Variants in UTP4 observed in about 807,000 individuals in gnomAD.
UTP4 encodes the protein U3 small nucleolar RNA-associated protein 4 homolog.
Under a neutral mutation model 82.4 loss-of-function variants are expected in UTP4, and 45 were observed. The observed-to-expected ratio is 0.55, with a 90% confidence interval of 0.43 to 0.70. UTP4 has a LOEUF of 0.70. Among genes scored for constraint, UTP4 ranks in the 30% least tolerant of loss-of-function variants. The probability of loss-of-function intolerance (pLI) is 0.00; values close to 1 mark genes in which losing one functional copy is unlikely to be tolerated. For missense variants in UTP4, 819 were observed against 858.3 expected (o/e 0.95, Z 0.57); for synonymous variants, 348 against 300.3 (o/e 1.16, Z -1.64).
intron 4 of UTP4, chr16:69,138,103 T>G: frequency 1.8e-6 from 1 of 546,918 alleles, no homozygotes; most frequent in Non-Finnish European, 3.2e-6. Flanking sequence ...AAACCAGAAA[T>G]CCAAAATTGG....
intron 6 of UTP4, 32 bp from the exon 7 acceptor site, chr16:69,150,505 A>C (rs1307773616): frequency 5.6e-6 from 9 of 1,613,500 alleles, no homozygotes; most frequent in Non-Finnish European, 7.6e-6. Flanking sequence ...TGTTTTGCTT[A>C]CGTGTACCTC....
chr16:69,165,769 T>C (rs1189166206), intron 15 of UTP4: 12 of 599,666 alleles, frequency 2.0e-5, no homozygotes, highest in Non-Finnish European at 3.3e-5. Context: ...TGGCTTTTGC[T>C]GATTTGACTA....
rs1010767576 is a variant in UTP4 at position 69,138,180 on chromosome 16, G to A, written c.436+295G>A. On this transcript the variant is annotated intron_variant, in intron 4 of 16. Transcript: ENST00000314423. ...TTACTTTTGTGATGTTTTAACAAGC[G>A]TACATGAAGTCTTGAACTACAATTT... is the stretch of plus-strand genomic sequence containing the variant. 4.0e-5 allele frequency among the ~76,000 whole-genome samples: 6 copies of A among 151,484 alleles called. No homozygotes were observed. In the East Asian group the frequency reaches 7.7e-4, roughly 20 times the overall value.
At chr16:69,163,548 A>G (rs564441202) in intron 14 of UTP4, among the ~76,000 whole-genome samples, 1 of 152,276 alleles carries the variant, frequency 6.6e-6, no homozygotes, top group Non-Finnish European at 1.5e-5. Flanking sequence ...AAAAGATTGT[A>G]TCATTCACCT....
At chr16:69,134,384 T>C (rs947597077) in intron 2 of UTP4, among the ~76,000 whole-genome samples, 1 of 152,102 alleles carries the variant, frequency 6.6e-6, no homozygotes, top group Non-Finnish European at 1.5e-5. Context: ...TCAGAGGCCC[T>C]AACTTTACGG....
chr16:69,144,683 TTC>T (rs1963059528), intron 6 of UTP4, among the ~76,000 whole-genome samples: 1 of 152,230 alleles, frequency 6.6e-6, no homozygotes, highest in Non-Finnish European at 1.5e-5. Flanking sequence ...AGTGTTCCTA[TTC>T]CATATCACAG....
In UTP4 at chr16:69,154,272, G is replaced by T. The variant is rs138499836; in HGVS notation, c.1100-121G>T. The T allele has an allele frequency of 1.1e-3, 839 of 767,042 alleles. 1 individual carries two copies. Among genetic ancestry groups the T allele is most frequent in the Non-Finnish European group, 1.6e-3 (721 of 443,794 alleles). 47.5% of individuals were successfully genotyped at this position (767,042 alleles called of 1,614,324 possible). On this transcript the variant is annotated intron_variant, in intron 9 of 16. Coordinates refer to ENST00000314423, the MANE Select transcript of UTP4 (RefSeq NM_032830.3). ...AATTGTGAGCTTACTCAGTGAGCTT[G>T]TATTTTTCTGATTTCCCACTGATAG... is the stretch of plus-strand genomic sequence containing the variant.
chr16:69,168,362 G>A (rs1963752914), intron 16 of UTP4, among the ~76,000 whole-genome samples: 1 of 151,406 alleles, frequency 6.6e-6, no homozygotes, highest in South Asian at 2.1e-4. Context: ...CGTGAACCCG[G>A]GAGGCGGAGC....
At chr16:69,159,747 G>A (rs973253005) in intron 12 of UTP4, among the ~76,000 whole-genome samples, 5 of 151,910 alleles carry the variant, frequency 3.3e-5, no homozygotes, top group African/African-American at 1.2e-4. Context: ...CAGCACTTTG[G>A]GAGGCCAAGG....
intron 15 of UTP4, chr16:69,165,822 A>G: frequency 1.9e-6 from 1 of 524,360 alleles, no homozygotes; most frequent in Non-Finnish European, 3.5e-6. Flanking sequence ...TACACAGAAA[A>G]GTGATTAGGC....
At position 69,134,080 on chromosome 16, in the gene UTP4, T is replaced by C. The variant is rs78659226; in HGVS notation, c.159+462T>C. Among the ~76,000 whole-genome samples, 1,097 of 152,330 alleles carry C rather than the reference T, an allele frequency of 7.2e-3. 12 individuals are homozygous for C. Among genetic ancestry groups the C allele is most frequent in the African/African-American group, 0.025 (1,038 of 41,566 alleles). On this transcript the variant is annotated intron_variant, in intron 2 of 16. Transcript: ENST00000314423. ...CTGTCTGAGAGAATGTAGACCTACA[T>C]GTCTACATTTGGGAGTAAAGGAGAT...
chr16:69,154,482 A>C lies in UTP4; in HGVS notation c.1164+25A>C, dbSNP rs536681319. ...GGTAAGGAAGTTTGTTTAGGCTCTG[A>C]ATTCTAGAGCCTGAATTCTAGGCTC... is the stretch of plus-strand genomic sequence containing the variant. On this transcript the variant is annotated intron_variant, in intron 10 of 16. Coordinates refer to ENST00000314423, the MANE Select transcript of UTP4 (RefSeq NM_032830.3). 247 of 1,535,458 alleles carry C rather than the reference A, an allele frequency of 1.6e-4. 4 individuals carry two copies. In the South Asian group the frequency reaches 2.6e-3, roughly 16 times the overall value.
At chr16:69,151,101 G>T (rs1244484252) in intron 8 of UTP4, among the ~76,000 whole-genome samples, 197 bp downstream of exon 8, 1 of 151,906 alleles carries the variant, frequency 6.6e-6, no homozygotes, top group African/African-American at 2.4e-5. Context: ...CCACCTCCCG[G>T]GTTCAAGCGA....
chr16:69,159,936 G>A (rs1359059771), intron 12 of UTP4, among the ~76,000 whole-genome samples: 6 of 151,188 alleles, frequency 4.0e-5, no homozygotes, highest in Admixed American at 1.3e-4. Context: ...TGGAGTGAGC[G>A]GATCCGCCAC....
intron 14 of UTP4, among the ~76,000 whole-genome samples, chr16:69,163,883 T>G (rs1193986837): frequency 1.4e-5 from 2 of 141,984 alleles, no homozygotes; most frequent in Admixed American, 7.0e-5. Flanking sequence ...ATGGTCAGTT[T>G]GTTTTTTTTT....
At chr16:69,152,464 CTTTTTTTTTT>C (rs58914042) in intron 8 of UTP4, among the ~76,000 whole-genome samples, 4 of 107,152 alleles carry the variant, frequency 3.7e-5, no homozygotes, top group South Asian at 3.2e-4. Context: ...TTCTGTTTTT[CTTTTTTTTTT>C]TTTTTTTTTT....
intron 3 of UTP4, among the ~76,000 whole-genome samples, chr16:69,137,172 T>G (rs1024918431): frequency 2.6e-4 from 39 of 152,342 alleles, no homozygotes; most frequent in African/African-American, 8.9e-4. Flanking sequence ...TTTTGGTTTG[T>G]TTTGTGTTTT....
chr16:69,136,295 A>G lies in UTP4; in HGVS notation c.160-401A>G, dbSNP rs1199530642. Among the ~76,000 whole-genome samples the G allele has an allele frequency of 3.3e-5, 5 of 152,214 alleles. No homozygotes were observed. In the East Asian group the frequency reaches 7.7e-4, roughly 23 times the overall value. ...TATAATCCCAGGACTTTGGGAGGCC[A>G]AGGCTCACTGCAGCCTCCGCCTCCC... On this transcript the variant is annotated intron_variant, in intron 2 of 16. Transcript: ENST00000314423.
intron 13 of UTP4, among the ~76,000 whole-genome samples, chr16:69,162,878 G>A (rs532622804): frequency 3.4e-5 from 5 of 146,468 alleles, no homozygotes; most frequent in East Asian, 4.0e-4. Context: ...TGACAAGAGC[G>A]AAACTCCATC....
Sources: allele counts gnomAD v4.1 joint callset (sites outside exome capture counted in the v4.1 genomes callset), GRCh38; gene constraint gnomAD v4.1.1; transcripts MANE v1.5; gene names NCBI Gene and HGNC (gene_info 2026-07-23, HGNC 2026-07-21).